Variants in ADK observed in about 807,000 individuals in gnomAD.
ADK encodes the protein N6,N6-dimethyladenosine kinase.
In ADK, 24 loss-of-function variants were observed where a neutral mutation model predicts 44.7. That is an observed-to-expected ratio of 0.54 (90% confidence interval 0.39 to 0.76). The LOEUF (loss-of-function observed/expected upper bound fraction) is 0.76, where lower values mean the gene tolerates loss of function less well. Among genes scored for constraint, ADK ranks in the 30% least tolerant of loss-of-function variants. ADK has a pLI of 0.00. For missense variants in ADK, 321 were observed against 425.1 expected (o/e 0.76, Z 2.15); for synonymous variants, 128 against 142.6 (o/e 0.90, Z 0.73).
At chr10:74,217,849 AT>A (rs1329086435) in intron 2 of ADK, among the ~76,000 whole-genome samples, 1 of 152,096 alleles carries the variant, frequency 6.6e-6, no homozygotes, top group African/African-American at 2.4e-5. Context: ...CAGAAAGGAC[AT>A]CCACACCAAA....
At chr10:74,493,986 A>G (rs1470191941) in intron 6 of ADK, among the ~76,000 whole-genome samples, 1 of 152,144 alleles carries the variant, frequency 6.6e-6, no homozygotes, top group Non-Finnish European at 1.5e-5. Context: ...ACTTGTTGTA[A>G]TGTGGTCATT....
At chr10:74,442,688 G>A (rs1321379253) in intron 6 of ADK, among the ~76,000 whole-genome samples, 1 of 151,990 alleles carries the variant, frequency 6.6e-6, no homozygotes, top group African/African-American at 2.4e-5. Context: ...AATGAAATCA[G>A]TATGTTGAAG....
chr10:74,706,090 T>C (rs1056276375), intron 10 of ADK, among the ~76,000 whole-genome samples: 1 of 152,096 alleles, frequency 6.6e-6, no homozygotes, highest in African/African-American at 2.4e-5. Context: ...TCCCAGTGCT[T>C]TGGGAGGCCA....
Position 74,313,453 on chromosome 10 carries a change from A to G in ADK, c.195-1214A>G, listed in dbSNP as rs373459917. Among the ~76,000 whole-genome samples the G allele has an allele frequency of 3.5e-3, 533 of 152,212 alleles. 6 individuals carry two copies. The highest frequency in any genetic ancestry group is 0.012 in the African/African-American group (496 of 41,570). On this transcript the variant is annotated intron_variant, in intron 3 of 10. Transcript: ENST00000539909. ...ACATATTGAAAATTTCTAGTTTCAA[A>G]AATTTCCTCCCTTCTCAGCATAGAA...
At chr10:74,321,581 T>C (rs1431619369) in intron 4 of ADK, among the ~76,000 whole-genome samples, 1 of 152,250 alleles carries the variant, frequency 6.6e-6, no homozygotes, top group African/African-American at 2.4e-5. Context: ...TTCTGTCTTA[T>C]AATTTCTAAT....
At chr10:74,405,034 A>G (rs887996297) in intron 6 of ADK, among the ~76,000 whole-genome samples, 3 of 152,130 alleles carry the variant, frequency 2.0e-5, no homozygotes, top group African/African-American at 7.2e-5. Context: ...AAGTTGTCTC[A>G]TAGCTCACTG....
At chr10:74,677,020 G>A (rs1055152329) in intron 10 of ADK, among the ~76,000 whole-genome samples, 2 of 152,164 alleles carry the variant, frequency 1.3e-5, no homozygotes, top group African/African-American at 4.8e-5. Flanking sequence ...CAAGGCAGGT[G>A]GACAGCTTGA....
At chr10:74,396,908 C>T (rs1400782194) in intron 5 of ADK, among the ~76,000 whole-genome samples, 2 of 150,964 alleles carry the variant, frequency 1.3e-5, no homozygotes, top group African/African-American at 2.4e-5. Flanking sequence ...TGAGCCAAGA[C>T]GGAGCCATTG....
chr10:74,492,832 A>G (rs1009128725), intron 6 of ADK, among the ~76,000 whole-genome samples: 2 of 152,196 alleles, frequency 1.3e-5, no homozygotes, highest in Admixed American at 1.3e-4. Context: ...CCTATTGCTG[A>G]TGATGTTACC....
At chr10:74,152,679 T>A (rs2132021378) in intron 1 of ADK, among the ~76,000 whole-genome samples, 1 of 152,350 alleles carries the variant, frequency 6.6e-6, no homozygotes, top group African/African-American at 2.4e-5. Context: ...TTTATTATCT[T>A]GTTGGACAGT....
intron 4 of ADK, among the ~76,000 whole-genome samples, chr10:74,333,950 T>G (rs980801947): frequency 3.9e-5 from 6 of 152,184 alleles, no homozygotes; most frequent in Admixed American, 6.5e-5. Context: ...GAAATTCTTT[T>G]CAAATAAATT....
chr10:74,380,020 A>T (rs549679690), intron 4 of ADK, among the ~76,000 whole-genome samples: 25 of 152,152 alleles, frequency 1.6e-4, no homozygotes, highest in Non-Finnish European at 2.4e-4. Context: ...GTGAGACTCC[A>T]TCTCTAAAAA....
chr10:74,445,328 C>A (rs1393291255), intron 6 of ADK, among the ~76,000 whole-genome samples: 2 of 151,754 alleles, frequency 1.3e-5, no homozygotes, highest in African/African-American at 4.8e-5. Flanking sequence ...GTATTAACAC[C>A]TTATGTTTCT....
Position 74,205,040 on chromosome 10 carries a change from C to CAAAAAAA in ADK, c.140+4225_140+4231dup, listed in dbSNP as rs60670688. Among the ~76,000 whole-genome samples the CAAAAAAA allele has an allele frequency of 2.8e-3, 143 of 51,654 alleles. 8 individuals are homozygous for CAAAAAAA. The highest frequency in any genetic ancestry group is 0.013 in the African/African-American group (130 of 10,134). 33.9% of individuals were successfully genotyped at this position (51,654 alleles called of 152,430 possible). Reference sequence around the variant, plus strand: ...GGGTGACAGAGTTGACACTCTGTCTCAAAAAAAAAAAAAAAAAAAAAAAAA... The same window carrying CAAAAAAA: ...GGGTGACAGAGTTGACACTCTGTCTCAAAAAAAAAAAAAAAAAAAAAAAAAAAAAAAA... On this transcript the variant is annotated intron_variant, in intron 2 of 10. Transcript: ENST00000539909.
chr10:74,630,425 A>C (rs561542187), intron 9 of ADK, among the ~76,000 whole-genome samples: 1 of 147,460 alleles, frequency 6.8e-6, no homozygotes, highest in African/African-American at 2.6e-5. Context: ...ATAATTCTTC[A>C]GTCTTTTTTT....
intron 6 of ADK, among the ~76,000 whole-genome samples, chr10:74,414,718 A>T (rs1397533529): frequency 6.6e-6 from 1 of 152,190 alleles, no homozygotes; most frequent in Non-Finnish European, 1.5e-5. Flanking sequence ...CTCAAAAAAA[A>T]AGAAAAGAAA....
intron 3 of ADK, among the ~76,000 whole-genome samples, chr10:74,268,558 G>C (rs563084110): frequency 2.0e-5 from 3 of 152,238 alleles, no homozygotes; most frequent in African/African-American, 7.2e-5. Flanking sequence ...ACCTAGCCTA[G>C]TGCCTGGCAT....
chr10:74,605,229 C>A (rs1852276688), intron 9 of ADK, among the ~76,000 whole-genome samples: 1 of 152,094 alleles, frequency 6.6e-6, no homozygotes, highest in Non-Finnish European at 1.5e-5. Flanking sequence ...TTTGAATACC[C>A]TTTATTTCTT....
At chr10:74,516,528 CT>C (rs58022347) in intron 6 of ADK, among the ~76,000 whole-genome samples, 90,982 of 138,766 alleles carry the variant, frequency 0.66, 30,163 homozygotes, top group Middle Eastern at 0.83. Context: ...CTTTTCTTTT[CT>C]TTTTTTTTTT....
Sources: allele counts gnomAD v4.1 joint callset (sites outside exome capture counted in the v4.1 genomes callset), GRCh38; gene constraint gnomAD v4.1.1; transcripts MANE v1.5; gene names NCBI Gene and HGNC (gene_info 2026-07-23, HGNC 2026-07-21).